The following RAP1GAP variants were observed in gnomAD, a reference collection of about 807,000 sequenced individuals.
RAP1GAP encodes rap1 GTPase-activating protein 1.
RAP1GAP carries 35 observed loss-of-function variants against 87.2 expected under a neutral mutation model. That is an observed-to-expected ratio of 0.40 (90% CI 0.31 to 0.53). The LOEUF (loss-of-function observed/expected upper bound fraction) is 0.53, where lower values mean the gene tolerates loss of function less well. RAP1GAP is among the 20% of genes least tolerant of loss of function. RAP1GAP has a pLI of 0.48. For synonymous variants in RAP1GAP, 375 were observed against 363.9 expected, an observed-to-expected ratio of 1.03 and a Z score of -0.35; for missense variants, 734 against 898.9, an observed-to-expected ratio of 0.82 and a Z score of 2.35.
At chr1:21,648,303 C>T (rs922029257) in intron 2 of RAP1GAP, among the ~76,000 whole-genome samples, 8 of 152,274 alleles carry the variant, frequency 5.3e-5, no homozygotes, top group African/African-American at 1.9e-4. Context: ...CTGGGGTGGG[C>T]CTTCTGGGTG....
chr1:21,600,134 C>G (rs2066963076), intron 20 of RAP1GAP, among the ~76,000 whole-genome samples: 1 of 152,174 alleles, frequency 6.6e-6, no homozygotes, highest in African/African-American at 2.4e-5. Flanking sequence ...ACAGTCTACT[C>G]TCTTAATCCC....
At chr1:21,623,930 G>A (rs779188184) in intron 3 of RAP1GAP, among the ~76,000 whole-genome samples, 2 of 152,226 alleles carry the variant, frequency 1.3e-5, no homozygotes, top group Non-Finnish European at 2.9e-5. Context: ...GTGTGTGTGA[G>A]ACTCCACGAC....
intron 20 of RAP1GAP, among the ~76,000 whole-genome samples, chr1:21,599,944 G>A (rs985970810): frequency 1.3e-5 from 2 of 152,142 alleles, no homozygotes; most frequent in East Asian, 1.9e-4. Context: ...TAACATCATC[G>A]GGTGCACGTT....
In RAP1GAP at chr1:21,597,953, G is replaced by T. The variant is rs1393255695; in HGVS notation, c.1983+8C>A. ...CCCTCAGCACCAGCCCCAGGAGGCTGCACGTACCAGCTGGGGCATGTGCTG... is the reference window on the plus strand; with the variant it reads ...CCCTCAGCACCAGCCCCAGGAGGCTTCACGTACCAGCTGGGGCATGTGCTG... On this transcript the variant is annotated splice_region_variant and intron_variant, in intron 23 of 24. Transcript: ENST00000374765. The T allele has an allele frequency of 1.3e-6, 2 of 1,561,046 alleles. No homozygotes were observed. The highest frequency in any genetic ancestry group is 2.2e-4 in the Middle Eastern group (1 of 4,570).
chr1:21,604,913 AT>A (rs2073028909), intron 18 of RAP1GAP, among the ~76,000 whole-genome samples: 1 of 93,742 alleles, frequency 1.1e-5, no homozygotes. Context: ...GGATGGATGG[AT>A]TGATGGGTGG....
chr1:21,654,965 GC>G (rs1371812248), intron 1 of RAP1GAP, among the ~76,000 whole-genome samples: 2 of 151,970 alleles, frequency 1.3e-5, no homozygotes, highest in African/African-American at 2.4e-5. Flanking sequence ...ACATGGTGAA[GC>G]CCCATCTCTA....
intron 2 of RAP1GAP, among the ~76,000 whole-genome samples, chr1:21,642,518 T>A (rs935367027): frequency 8.5e-5 from 13 of 152,176 alleles, no homozygotes; most frequent in African/African-American, 3.1e-4. Flanking sequence ...GCCCAGACTC[T>A]GGCTCCAGGG....
intron 13 of RAP1GAP, 94 bp downstream of exon 13, chr1:21,611,358 C>A: frequency 6.8e-7 from 1 of 1,466,352 alleles, no homozygotes; most frequent in Non-Finnish European, 9.2e-7. Flanking sequence ...CATCCCAGGG[C>A]CCAGCGCTGA....
At chr1:21,606,044 TG>T in intron 18 of RAP1GAP, 21 bp downstream of exon 18, 4 of 1,565,438 alleles carry the variant, frequency 2.6e-6, no homozygotes, top group South Asian at 1.2e-5. Flanking sequence ...GGCCGGGGCC[TG>T]GGGAGGGGGA....
In RAP1GAP at chr1:21,622,294, C is replaced by T; in HGVS notation, c.-18-2244G>A. The T allele has an allele frequency of 2.0e-6, 1 of 495,916 alleles. No homozygotes were observed. Among genetic ancestry groups the T allele is most frequent in the Non-Finnish European group, 3.6e-6 (1 of 278,972 alleles). The allele number at this position is 495,916 out of a possible 1,614,324, so 30.7% of individuals were successfully genotyped here. A position where few individuals can be genotyped will look rare whatever the true frequency, so the allele number is the denominator to read the frequency against. On this transcript the variant is annotated intron_variant, in intron 3 of 24. Coordinates refer to ENST00000374765, the MANE Select transcript of RAP1GAP (RefSeq NM_002885.4). This position sits in a 1 kb window ranked among gnomAD's most constrained non-coding sequence, Gnocchi z 5.7. ...GGGCTCCCCAGCAGTCGGGGTGACC[C>T]AGCCCCGGGGTCCCTCCGCCATGCC...
At chr1:21,599,387 ACATCT>A in intron 21 of RAP1GAP, 102 bp downstream of exon 21, 1 of 1,472,864 alleles carries the variant, frequency 6.8e-7, no homozygotes. Context: ...TCCCCTGATC[ACATCT>A]CAGCCACGCC....
chr1:21,626,404 GA>G lies in RAP1GAP; in HGVS notation c.-112-8del. ...GTTCTGCCCATCGCTCCTCCTGGAA[GA>G]GAAAGAGTCTGAGGTCAGGGAGAGC... On this transcript the variant is annotated splice_polypyrimidine_tract_variant and splice_region_variant and intron_variant, in intron 2 of 24. Transcript: ENST00000374765. The G allele has an allele frequency of 6.2e-7, 1 of 1,607,796 alleles. No homozygotes were observed. Among genetic ancestry groups the G allele is most frequent in the South Asian group, 1.1e-5 (1 of 90,970 alleles).
chr1:21,635,509 C>T (rs1481820612), intron 2 of RAP1GAP, among the ~76,000 whole-genome samples: 1 of 152,216 alleles, frequency 6.6e-6, no homozygotes. Context: ...CAAAGCAGAG[C>T]CCCAAAGATA....
intron 5 of RAP1GAP, among the ~76,000 whole-genome samples, chr1:21,618,546 G>A (rs1454122751): frequency 6.6e-6 from 1 of 152,072 alleles, no homozygotes; most frequent in Non-Finnish European, 1.5e-5. Context: ...AGTGGCTGGG[G>A]GGCACCCAGG....
chr1:21,619,830 G>A (rs2085503918), intron 4 of RAP1GAP, among the ~76,000 whole-genome samples, 185 bp downstream of exon 4: 1 of 152,092 alleles, frequency 6.6e-6, no homozygotes, highest in African/African-American at 2.4e-5. Flanking sequence ...CGGCATCAGA[G>A]ATGGGGTTGG....
At chr1:21,597,846 G>T in intron 23 of RAP1GAP, 115 bp downstream of exon 23, 1 of 1,503,440 alleles carries the variant, frequency 6.7e-7, no homozygotes. Flanking sequence ...ACCCCTCCTG[G>T]CCTAGCGGGG....
intron 1 of RAP1GAP, chr1:21,651,444 A>G: frequency 1.7e-6 from 1 of 580,748 alleles, no homozygotes; most frequent in Non-Finnish European, 3.4e-6. Context: ...GCGCGCACAC[A>G]CAGGCGGAGT....
intron 1 of RAP1GAP, among the ~76,000 whole-genome samples, chr1:21,653,989 G>A (rs929501522): frequency 1.3e-5 from 2 of 151,914 alleles, no homozygotes; most frequent in Non-Finnish European, 2.9e-5. Flanking sequence ...CTTGAGAGGG[G>A]CCATGGGGGC....
intron 1 of RAP1GAP, among the ~76,000 whole-genome samples, chr1:21,651,003 G>A (rs1382646092): frequency 6.6e-6 from 1 of 152,206 alleles, no homozygotes; most frequent in African/African-American, 2.4e-5. Flanking sequence ...GGTAGGGCCT[G>A]GTGAAGGTCA....
Sources: gnomAD v4.1 joint callset for allele counts (sites outside exome capture counted in the v4.1 genomes callset) on GRCh38, gnomAD v4.1.1 for gene constraint, Gnocchi (gnomAD v3.1) non-coding constraint, MANE v1.5 for transcripts, NCBI Gene and HGNC (gene_info 2026-07-23, HGNC 2026-07-21) for gene names.